FBXO11: variants seen among roughly 807,000 people sequenced by gnomAD.
FBXO11 encodes the protein F-box only protein 11.
A neutral mutation model predicts 117.0 loss-of-function variants in FBXO11; 13 were observed. The ratio of observed to expected loss-of-function variants is 0.11; its 90% CI spans 0.07 to 0.18. FBXO11 has a LOEUF of 0.18. Ranked by LOEUF, FBXO11 falls within the 10% of genes least tolerant of loss-of-function variation. The probability of loss-of-function intolerance (pLI) is 1.00; values close to 1 mark genes in which losing one functional copy is unlikely to be tolerated. For missense variants in FBXO11, 767 were observed against 1,164.4 expected, an observed-to-expected ratio of 0.66 and a Z score of 4.97; for synonymous variants, 490 against 380.5, an observed-to-expected ratio of 1.29 and a Z score of -3.35.
chr2:47,835,562 A>G (rs532607489), intron 5 of FBXO11, among the ~76,000 whole-genome samples: 1 of 152,172 alleles, frequency 6.6e-6, no homozygotes, highest in South Asian at 2.1e-4. Context: ...GCAGCAGTGC[A>G]ATGTCAGCTC....
At chr2:47,842,520 ATAT>A (rs1673093302) in intron 1 of FBXO11, among the ~76,000 whole-genome samples, 1 of 152,176 alleles carries the variant, frequency 6.6e-6, no homozygotes, top group Non-Finnish European at 1.5e-5. Context: ...TAAAAGTGTA[ATAT>A]TTAAAAGTAG....
chr2:47,860,977 G>A (rs1370215101), intron 1 of FBXO11, among the ~76,000 whole-genome samples: 1 of 151,672 alleles, frequency 6.6e-6, no homozygotes. Flanking sequence ...CTCTGGAGTA[G>A]CTGGGTTTGC....
In FBXO11 at chr2:47,829,049, G is replaced by A. The variant is rs374504401; in HGVS notation, c.1398+3300C>T. ...TGATTCTCATGCCTCAACCTCCTGA[G>A]AGGCTGGGATTACAGGCACACGCCA... On this transcript the variant is annotated intron_variant, in intron 11 of 22. Transcript: ENST00000403359. 2.1e-4 allele frequency among the ~76,000 whole-genome samples: 32 copies of A among 151,588 alleles called. 1 individual carries two copies. Among genetic ancestry groups the A allele is most frequent in the African/African-American group, 7.8e-4 (32 of 41,268 alleles).
At chr2:47,861,174 TG>T (rs1558451195) in intron 1 of FBXO11, among the ~76,000 whole-genome samples, 2 of 152,124 alleles carry the variant, frequency 1.3e-5, no homozygotes, top group African/African-American at 2.4e-5. Flanking sequence ...AGTCTTAAAC[TG>T]GGAAGTGTAG....
At chr2:47,812,806 G>A in intron 18 of FBXO11, 2 of 224,046 alleles carry the variant, frequency 8.9e-6, no homozygotes, top group South Asian at 1.2e-4. Context: ...GGCACATCTT[G>A]GCTTCATTAA....
intron 1 of FBXO11, among the ~76,000 whole-genome samples, chr2:47,853,183 T>C (rs1245712216): frequency 6.6e-6 from 1 of 151,986 alleles, no homozygotes; most frequent in Non-Finnish European, 1.5e-5. Context: ...GCCATTCTCC[T>C]GCCTCAGCCT....
At chr2:47,846,517 A>G (rs1296624499) in intron 1 of FBXO11, among the ~76,000 whole-genome samples, 2 of 152,186 alleles carry the variant, frequency 1.3e-5, no homozygotes, top group African/African-American at 4.8e-5. Context: ...ATCTAATAGA[A>G]TATTATGCCA....
At chr2:47,830,604 A>G (rs191912756) in intron 11 of FBXO11, among the ~76,000 whole-genome samples, 40 of 152,336 alleles carry the variant, frequency 2.6e-4, no homozygotes, top group African/African-American at 9.6e-4. Flanking sequence ...TAAATCTTAA[A>G]ATGTATAAAT....
intron 1 of FBXO11, among the ~76,000 whole-genome samples, chr2:47,885,410 T>C (rs373282431): frequency 6.2e-4 from 94 of 152,110 alleles, no homozygotes; most frequent in African/African-American, 2.2e-3. Flanking sequence ...CTGGCCAACA[T>C]GGCAAACCCT....
At chr2:47,893,399 A>T (rs1677412515) in intron 1 of FBXO11, among the ~76,000 whole-genome samples, 1 of 152,148 alleles carries the variant, frequency 6.6e-6, no homozygotes, top group Non-Finnish European at 1.5e-5. Flanking sequence ...GGATAAACAG[A>T]TCTGTGTATC....
intron 5 of FBXO11, among the ~76,000 whole-genome samples, chr2:47,835,654 T>A (rs867706465): frequency 6.6e-6 from 1 of 152,106 alleles, no homozygotes; most frequent in African/African-American, 2.4e-5. Flanking sequence ...TGCGCCACCA[T>A]GTCCGGCTAA....
chr2:47,897,569 C>T (rs894943595), intron 1 of FBXO11, among the ~76,000 whole-genome samples: 1 of 151,978 alleles, frequency 6.6e-6, no homozygotes, highest in Admixed American at 6.6e-5. Flanking sequence ...TGGTGGTGTG[C>T]ACCTATAATC....
At chr2:47,809,773 G>C in intron 19 of FBXO11, 66 bp from the exon 20 acceptor site, 1 of 1,006,384 alleles carries the variant, frequency 9.9e-7, no homozygotes. Context: ...CCTGAAATTA[G>C]CAAGCAAATG....
intron 4 of FBXO11, chr2:47,836,894 T>C (rs1672616871): frequency 8.2e-6 from 3 of 365,494 alleles, no homozygotes; most frequent in South Asian, 4.1e-5. Flanking sequence ...AGTGATCCTC[T>C]TGTCTTATTT....
intron 7 of FBXO11, among the ~76,000 whole-genome samples, chr2:47,834,348 T>G (rs1318163264): frequency 6.7e-6 from 1 of 149,850 alleles, no homozygotes; most frequent in Admixed American, 6.7e-5. Flanking sequence ...AGACTCTGCA[T>G]CAAAAAAACA....
intron 1 of FBXO11, among the ~76,000 whole-genome samples, chr2:47,902,385 T>C (rs1400975631): frequency 6.6e-6 from 1 of 152,188 alleles, no homozygotes; most frequent in Non-Finnish European, 1.5e-5. Context: ...CCCAGACCAA[T>C]ATTTCCTTAC....
intron 1 of FBXO11, among the ~76,000 whole-genome samples, chr2:47,895,458 T>C (rs1572921008): frequency 6.6e-6 from 1 of 152,122 alleles, no homozygotes; most frequent in African/African-American, 2.4e-5. Flanking sequence ...CAGGCACAAG[T>C]AATCCAAGCA....
chr2:47,838,203 A>G (rs2104850832), intron 4 of FBXO11, among the ~76,000 whole-genome samples: 1 of 152,226 alleles, frequency 6.6e-6, no homozygotes, highest in African/African-American at 2.4e-5. Flanking sequence ...ACTGCACTCC[A>G]GCCTGGGTGA....
intron 1 of FBXO11, among the ~76,000 whole-genome samples, chr2:47,904,366 T>C (rs958210643): frequency 5.9e-5 from 9 of 152,312 alleles, no homozygotes; most frequent in East Asian, 1.9e-4. Flanking sequence ...ATGGTTATGT[T>C]TGGAGACCAA....
Sources: gnomAD v4.1 joint callset for allele counts (sites outside exome capture counted in the v4.1 genomes callset) on GRCh38, gnomAD v4.1.1 for gene constraint, MANE v1.5 for transcripts, NCBI Gene and HGNC (gene_info 2026-07-23, HGNC 2026-07-21) for gene names.